EXT1: variants seen among roughly 807,000 people sequenced by gnomAD.
EXT1 encodes exostosin-1.
EXT1 carries 20 observed loss-of-function variants against 82.5 expected under a neutral mutation model. The observed-to-expected ratio is 0.24, with a 90% CI of 0.17 to 0.35. EXT1 has a LOEUF of 0.35. Among genes scored for constraint, EXT1 ranks in the 10% least tolerant of loss-of-function variants. The pLI is 1.00. For missense variants in EXT1, 757 were observed against 936.5 expected (o/e 0.81, Z 2.50); for synonymous variants, 348 against 350.8 (o/e 0.99, Z 0.09).
chr8:117,934,804 T>G (rs1164473244), intron 1 of EXT1, among the ~76,000 whole-genome samples: 1 of 152,188 alleles, frequency 6.6e-6, no homozygotes, highest in Non-Finnish European at 1.5e-5. Context: ...TGTACGTATT[T>G]TTTTTAAGCA....
intron 1 of EXT1, among the ~76,000 whole-genome samples, chr8:118,025,207 G>A (rs533019871): frequency 6.6e-6 from 1 of 152,234 alleles, no homozygotes; most frequent in African/African-American, 2.4e-5. Context: ...GACTAAGGTA[G>A]GTAAAGAAAC....
chr8:118,076,857 G>T (rs1253017250), intron 1 of EXT1, among the ~76,000 whole-genome samples: 2 of 152,028 alleles, frequency 1.3e-5, no homozygotes, highest in African/African-American at 4.8e-5. Context: ...AGAAAATCAA[G>T]AATTATTAAT....
Position 118,040,839 on chromosome 8 carries a change from G to T in EXT1, c.962+69246C>A, listed in dbSNP as rs538522663. Among the ~76,000 whole-genome samples the T allele has an allele frequency of 5.4e-4, 82 of 152,324 alleles. 1 individual carries two copies. Among genetic ancestry groups the T allele is most frequent in the African/African-American group, 1.9e-3 (78 of 41,570 alleles). ...TAAAAAGCAGCAATTGTTCACGTCA[G>T]TTCTGTCAGTTAAGCTACTAAATTT... On this transcript the variant is annotated intron_variant, in intron 1 of 10. Transcript: ENST00000378204.
At chr8:118,092,342 A>C (rs930641867) in intron 1 of EXT1, among the ~76,000 whole-genome samples, 5 of 152,232 alleles carry the variant, frequency 3.3e-5, no homozygotes, top group South Asian at 2.1e-4. Context: ...ACAAAAAGTT[A>C]ATCAAATATG....
At chr8:118,011,198 T>C (rs1290831817) in intron 1 of EXT1, among the ~76,000 whole-genome samples, 1 of 152,138 alleles carries the variant, frequency 6.6e-6, no homozygotes, top group Non-Finnish European at 1.5e-5. Flanking sequence ...ATATCTCTTT[T>C]CCCTGCCTGA....
chr8:118,039,557 C>CAAAAA (rs71307422), intron 1 of EXT1, among the ~76,000 whole-genome samples: 310 of 81,692 alleles, frequency 3.8e-3, no homozygotes, highest in Middle Eastern at 8.5e-3. Flanking sequence ...GACTCCGTCA[C>CAAAAA]AAAAAAAAAA....
chr8:117,803,340 C>T (rs934495053), intron 10 of EXT1, among the ~76,000 whole-genome samples: 6 of 151,928 alleles, frequency 3.9e-5, no homozygotes, highest in South Asian at 2.1e-4. Context: ...GGATTACAAG[C>T]GTGCACCACT....
At chr8:117,995,296 G>T (rs1283343575) in intron 1 of EXT1, among the ~76,000 whole-genome samples, 1 of 152,176 alleles carries the variant, frequency 6.6e-6, no homozygotes, top group African/African-American at 2.4e-5. Context: ...AGGCATCTTT[G>T]TTCCTCTCTG....
At chr8:118,109,962 G>A in intron 1 of EXT1, 123 bp downstream of exon 1, 1 of 1,500,334 alleles carries the variant, frequency 6.7e-7, no homozygotes, top group Non-Finnish European at 9.2e-7. Flanking sequence ...TCAGTTCCAG[G>A]CTCAAAGGGG....
At chr8:117,903,191 A>G (rs765564661) in intron 1 of EXT1, among the ~76,000 whole-genome samples, 3 of 152,220 alleles carry the variant, frequency 2.0e-5, no homozygotes, top group Admixed American at 1.3e-4. Context: ...GCATTTTATT[A>G]TATCCAGCTA....
intron 1 of EXT1, among the ~76,000 whole-genome samples, chr8:118,034,901 C>T (rs567130076): frequency 1.3e-5 from 2 of 152,228 alleles, no homozygotes; most frequent in East Asian, 3.9e-4. Context: ...GATTCAGTTA[C>T]CACCAGAAAA....
At chr8:118,074,154 G>C (rs1370925122) in intron 1 of EXT1, among the ~76,000 whole-genome samples, 1 of 152,068 alleles carries the variant, frequency 6.6e-6, no homozygotes, top group East Asian at 1.9e-4. Context: ...TGCGGGGACG[G>C]GGAGGGGGAG....
intron 1 of EXT1, among the ~76,000 whole-genome samples, chr8:118,033,635 C>A (rs1277827642): frequency 2.0e-5 from 3 of 152,118 alleles, no homozygotes; most frequent in Non-Finnish European, 4.4e-5. Context: ...TGCACCACCA[C>A]ACCTGGCTAA....
intron 1 of EXT1, among the ~76,000 whole-genome samples, chr8:117,855,393 C>T (rs1296348929): frequency 6.6e-6 from 1 of 152,140 alleles, no homozygotes; most frequent in South Asian, 2.1e-4. Flanking sequence ...TATTTCAAAA[C>T]TTTTATTGTT....
chr8:117,851,578 G>A (rs924189903), intron 1 of EXT1, among the ~76,000 whole-genome samples: 2 of 149,790 alleles, frequency 1.3e-5, no homozygotes, highest in Non-Finnish European at 3.0e-5. Flanking sequence ...TAGATTAAGT[G>A]TGCTTAAATG....
intron 1 of EXT1, among the ~76,000 whole-genome samples, chr8:118,016,625 C>T (rs1347269708): frequency 6.6e-6 from 1 of 152,158 alleles, no homozygotes; most frequent in Non-Finnish European, 1.5e-5. Flanking sequence ...GACTTTGTCC[C>T]GGCTGCAGTA....
At chr8:117,968,199 G>A (rs1024049540) in intron 1 of EXT1, among the ~76,000 whole-genome samples, 10 of 151,878 alleles carry the variant, frequency 6.6e-5, no homozygotes, top group African/African-American at 2.2e-4. Context: ...TCCATCTCGG[G>A]GGCCCAAGCG....
chr8:117,818,679 G>A (rs17430063), intron 6 of EXT1, 149 bp from the exon 7 acceptor site: 1 of 675,232 alleles, frequency 1.5e-6, no homozygotes. Context: ...GAGTTTTAAA[G>A]TGAGTCCATT....
intron 10 of EXT1, 68 bp downstream of exon 10, chr8:117,804,654 G>T (rs2129692977): frequency 1.3e-6 from 2 of 1,559,124 alleles, no homozygotes; most frequent in African/African-American, 2.7e-5. Context: ...AGAGGAACGT[G>T]AGTCCTCATT....
Sources: allele counts gnomAD v4.1 joint callset (sites outside exome capture counted in the v4.1 genomes callset), GRCh38; gene constraint gnomAD v4.1.1; transcripts MANE v1.5; gene names NCBI Gene and HGNC (gene_info 2026-07-23, HGNC 2026-07-21).